The following CEP192 variants were observed in gnomAD, a reference collection of about 807,000 sequenced individuals.
CEP192 encodes the protein centrosomal protein 192.
CEP192 carries 151 observed loss-of-function variants against 271.8 expected under a neutral mutation model. The ratio of observed to expected loss-of-function variants is 0.56; its 90% CI spans 0.49 to 0.64. CEP192 has a LOEUF of 0.64. Among genes scored for constraint, CEP192 ranks in the 30% least tolerant of loss-of-function variants. The pLI is 0.00. For synonymous variants in CEP192, 995 were observed against 1,076.5 expected (o/e 0.92, Z 1.48); for missense variants, 2,910 against 3,020.5 (o/e 0.96, Z 0.86).
At chr18:13,099,003 C>T (rs2039568196) in intron 36 of CEP192, among the ~76,000 whole-genome samples, 1 of 152,130 alleles carries the variant, frequency 6.6e-6, no homozygotes, top group African/African-American at 2.4e-5. Flanking sequence ...CACAGCGAAA[C>T]CCCGTCTCCA....
intron 4 of CEP192, among the ~76,000 whole-genome samples, chr18:13,010,128 C>A (rs575830799): frequency 1.3e-5 from 2 of 151,968 alleles, no homozygotes; most frequent in East Asian, 3.9e-4. Context: ...GGGAGACAGA[C>A]CCAGACCCTA....
chr18:13,104,633 T>C (rs1010267809), intron 39 of CEP192, among the ~76,000 whole-genome samples: 1 of 152,220 alleles, frequency 6.6e-6, no homozygotes, highest in Admixed American at 6.5e-5. Flanking sequence ...TAGATAAAAA[T>C]TAAAAACTGG....
intron 42 of CEP192, among the ~76,000 whole-genome samples, chr18:13,116,139 GCAGGTAGA>G (rs959377331): frequency 6.6e-6 from 1 of 152,182 alleles, no homozygotes; most frequent in Non-Finnish European, 1.5e-5. Context: ...TGGGCTTCTG[GCAGGTAGA>G]GACCCAGGCT....
At chr18:13,057,115 A>G (rs1330928200) in intron 19 of CEP192, among the ~76,000 whole-genome samples, 1 of 152,148 alleles carries the variant, frequency 6.6e-6, no homozygotes, top group Non-Finnish European at 1.5e-5. Context: ...TTTTACTGAC[A>G]TGGTGCACAC....
chr18:12,996,762 C>T (rs1230852659), intron 1 of CEP192, among the ~76,000 whole-genome samples: 2 of 152,164 alleles, frequency 1.3e-5, no homozygotes, highest in African/African-American at 4.8e-5. Flanking sequence ...AAGGAGTAAT[C>T]ACCTGAATGT....
rs944718873 is a variant in CEP192 at position 13,095,594 on chromosome 18, G to A, written c.6346G>A (p.Ala2116Thr). Residue 2116 changes from alanine (A) to threonine (T), a missense_variant, in exon 35 of 45, where the codon GCG (alanine) becomes ACG (threonine). Transcript: ENST00000506447. ...GPQGSPLLSR[A>T]ARPPLDQLAS... ...TCAGGGTTCTCCTCTTCTCTCACGG[G>A]CGGCTCGCCCGCCTCTGGATCAGCT... 3.1e-6 allele frequency: 5 copies of A among 1,614,044 alleles called. No individual in the cohort carries two copies. In the Admixed American group the frequency reaches 8.3e-5, roughly 27 times the overall value.
chr18:13,056,381 G>A lies in CEP192; in HGVS notation c.3791G>A (p.Arg1264Gln), dbSNP rs565384485. Residue 1264 changes from arginine to glutamine, a missense_variant, in exon 19 of 45, where the codon CGG becomes CAG. Arg to Gln is a conservative substitution (Grantham distance 43). Transcript: ENST00000506447. ...CTCAGCGCTGCTCCTTTTGCTCAGC[G>A]GTATTTGGGAACACTCCCTTCAACT... ...PSLSAAPFAQ[R>Q]YLGTLPSTGS... 1.2e-5 allele frequency: 20 copies of A among 1,614,092 alleles called. No homozygotes were observed. The Middle Eastern group carries it at 4.9e-4, about 40-fold the overall frequency.
At chr18:13,095,432 C>A (rs927884403) in intron 34 of CEP192, 71 bp from the exon 35 acceptor site, 39 of 1,117,228 alleles carry the variant, frequency 3.5e-5, no homozygotes, top group Non-Finnish European at 4.7e-5. Flanking sequence ...TACAATCTGG[C>A]CTTTTATCAT....
intron 32 of CEP192, chr18:13,088,926 T>A (rs1369828959): frequency 2.2e-6 from 1 of 447,190 alleles, no homozygotes; most frequent in African/African-American, 2.0e-5. Flanking sequence ...TTTTTTTTTC[T>A]CTCAATTGGG....
chr18:13,017,168 T>G lies in CEP192; in HGVS notation c.641-20T>G. 1 of 1,527,858 alleles carries G rather than the reference T, an allele frequency of 6.5e-7. No homozygotes were observed. Among genetic ancestry groups the G allele is most frequent in the Non-Finnish European group, 8.8e-7 (1 of 1,137,010 alleles). The allele number at this position is 1,527,858 out of a possible 1,614,324, so 94.6% of individuals were successfully genotyped here. A position where few individuals can be genotyped will look rare whatever the true frequency, so the allele number is the denominator to read the frequency against. On this transcript the variant is annotated intron_variant, in intron 6 of 44. Coordinates refer to ENST00000506447, the MANE Select transcript of CEP192 (RefSeq NM_032142.4). The stretch of plus-strand genomic sequence containing the variant: ...CACTACTTTAAAGCATGTCCTGTTT[T>G]TTCTCGATTTTATCAATAGATGATG...
intron 3 of CEP192, among the ~76,000 whole-genome samples, chr18:13,006,207 T>G (rs750591585): frequency 2.0e-5 from 3 of 152,160 alleles, no homozygotes; most frequent in Non-Finnish European, 4.4e-5. Context: ...GGTAAGTTTC[T>G]TTTTTTCTCA....
In CEP192 at chr18:13,029,770, G is replaced by A; in HGVS notation, c.1158G>A (p.Leu386=). The A allele has an allele frequency of 6.4e-7, 1 of 1,551,602 alleles. No homozygotes were observed. Among genetic ancestry groups the A allele is most frequent in the Middle Eastern group, 1.7e-4 (1 of 5,992 alleles). ...ATGCCAATAGAGGTGGTTTTGATCT[G>A]ACTGACCCTGTAAAACAGGGGGCAG... ...DANANRGGFD[L]TDPVKQGAEC... Residue 386 remains leucine (L), a synonymous_variant, in exon 10 of 45, where the codon CTG becomes CTA. Coordinates refer to ENST00000506447, the MANE Select transcript of CEP192 (RefSeq NM_032142.4).
chr18:13,015,081 C>T (rs1053929975), intron 5 of CEP192, among the ~76,000 whole-genome samples: 3 of 152,120 alleles, frequency 2.0e-5, no homozygotes, highest in African/African-American at 7.2e-5. Flanking sequence ...TGAGCATGTG[C>T]ACAGTTTGAG....
At chr18:13,033,459 G>C (rs1423259441) in intron 11 of CEP192, among the ~76,000 whole-genome samples, 1 of 152,134 alleles carries the variant, frequency 6.6e-6, no homozygotes, top group African/African-American at 2.4e-5. Flanking sequence ...AGGGACACAG[G>C]TATGCTAGTC....
rs1236313203 is a variant in CEP192 at position 13,096,361 on chromosome 18, CT to C, written c.6557+57del. 6 of 1,584,020 alleles carry C rather than the reference CT, an allele frequency of 3.8e-6. No individual in the cohort carries two copies. The East Asian group carries it at 1.1e-4, about 30-fold the overall frequency. ...TGTTACTTAGGTGCTGGCTTGGTGA[CT>C]TTCTAAAGATCAAATAATATGTCAT... On this transcript the variant is annotated intron_variant, in intron 36 of 44. Coordinates refer to ENST00000506447, the MANE Select transcript of CEP192 (RefSeq NM_032142.4).
At chr18:13,030,704 T>C (rs1203687656) in intron 11 of CEP192, 96 bp downstream of exon 11, 12 of 914,930 alleles carry the variant, frequency 1.3e-5, no homozygotes, top group Middle Eastern at 2.8e-4. Context: ...TCAGATCCCT[T>C]CTGGACTATC....
chr18:12,998,245 C>CAGT (rs896117270), intron 1 of CEP192, among the ~76,000 whole-genome samples: 2 of 152,136 alleles, frequency 1.3e-5, no homozygotes, highest in African/African-American at 4.8e-5. Flanking sequence ...TTGCAGAGTA[C>CAGT]AGTTCAAACT....
rs76648576 is a variant in CEP192 at position 13,084,991 on chromosome 18, GT to G, written c.5617-2012del. ...CCACCACACCCAGCTAATTTTTTGG[GT>G]TTTTTTTTTTTTTAAGTAGAAAAGG... On this transcript the variant is annotated intron_variant, in intron 30 of 44. Coordinates refer to ENST00000506447, the MANE Select transcript of CEP192 (RefSeq NM_032142.4). 6.5e-3 allele frequency among the ~76,000 whole-genome samples: 921 copies of G among 141,346 alleles called. 7 individuals are homozygous for G. Among genetic ancestry groups the G allele is most frequent in the African/African-American group, 0.018 (694 of 38,706 alleles). 92.7% of individuals were successfully genotyped at this position (141,346 alleles called of 152,430 possible). A position where few individuals can be genotyped will look rare whatever the true frequency, so the allele number is the denominator to read the frequency against.
At chr18:13,050,907 T>A (rs1166990009) in intron 17 of CEP192, among the ~76,000 whole-genome samples, 2 of 152,194 alleles carry the variant, frequency 1.3e-5, no homozygotes, top group Non-Finnish European at 2.9e-5. Context: ...GTATTACCAG[T>A]CATCCAGCCC....
Sources: gnomAD v4.1 joint callset for allele counts (sites outside exome capture counted in the v4.1 genomes callset) on GRCh38, gnomAD v4.1.1 for gene constraint, MANE v1.5 for transcripts, NCBI Gene and HGNC (gene_info 2026-07-23, HGNC 2026-07-21) for gene names.